The following TRPM6 variants were observed in gnomAD, a reference collection of about 807,000 sequenced individuals.
TRPM6 encodes transient receptor potential cation channel subfamily M member 6.
A neutral mutation model predicts 247.6 loss-of-function variants in TRPM6; 111 were observed. The ratio of observed to expected loss-of-function variants is 0.45; its 90% CI spans 0.38 to 0.52. The LOEUF (loss-of-function observed/expected upper bound fraction) is 0.52. Among genes scored for constraint, TRPM6 ranks in the 20% least tolerant of loss-of-function variants. TRPM6 has a pLI of 0.00. For synonymous variants in TRPM6, 892 were observed against 853.8 expected (o/e 1.04, Z -0.78); for missense variants, 2,126 against 2,421.5 (o/e 0.88, Z 2.56).
At chr9:74,796,469 T>A (rs946568494) in intron 18 of TRPM6, among the ~76,000 whole-genome samples, 5 of 152,194 alleles carry the variant, frequency 3.3e-5, no homozygotes, top group African/African-American at 1.2e-4. Context: ...AATAGAATAT[T>A]TTGCTTAATT....
intron 28 of TRPM6, among the ~76,000 whole-genome samples, chr9:74,754,613 A>G (rs553483087): frequency 9.5e-4 from 144 of 152,352 alleles, no homozygotes; most frequent in African/African-American, 3.4e-3. Context: ...GAAAAGTCTG[A>G]CAGCCTAAAT....
At chr9:74,741,252 A>G (rs533612304) in intron 33 of TRPM6, among the ~76,000 whole-genome samples, 5 of 152,100 alleles carry the variant, frequency 3.3e-5, no homozygotes, top group Non-Finnish European at 5.9e-5. Flanking sequence ...TAACAGAGCA[A>G]CATAATCTAT....
intron 14 of TRPM6, chr9:74,804,862 C>A (rs190514487): frequency 5.0e-6 from 2 of 398,220 alleles, no homozygotes; most frequent in African/African-American, 2.1e-5. Context: ...GTCCGAAGCA[C>A]AAAAAATCCC....
chr9:74,851,058 A>G (rs1011557765), intron 3 of TRPM6, among the ~76,000 whole-genome samples: 5 of 152,224 alleles, frequency 3.3e-5, no homozygotes, highest in Non-Finnish European at 7.3e-5. Context: ...CAGCTTAAGT[A>G]TATTTCTATT....
chr9:74,868,356 A>G (rs931559834), intron 1 of TRPM6, among the ~76,000 whole-genome samples: 4 of 151,724 alleles, frequency 2.6e-5, no homozygotes, highest in Non-Finnish European at 5.9e-5. Context: ...TTAGCTGGGC[A>G]TGGTGGTGCA....
At chr9:74,868,115 C>G (rs1350697768) in intron 1 of TRPM6, among the ~76,000 whole-genome samples, 1 of 149,272 alleles carries the variant, frequency 6.7e-6, no homozygotes, top group East Asian at 2.0e-4. Flanking sequence ...GATTGCACCC[C>G]TGTACTCCAG....
chr9:74,748,692 T>C (rs979584794), intron 30 of TRPM6, among the ~76,000 whole-genome samples: 15 of 152,230 alleles, frequency 9.9e-5, no homozygotes, highest in African/African-American at 3.6e-4. Flanking sequence ...AACCATACAA[T>C]GTATTTGTGT....
intron 1 of TRPM6, among the ~76,000 whole-genome samples, chr9:74,864,714 C>T (rs375025139): frequency 4.3e-4 from 66 of 152,284 alleles, no homozygotes; most frequent in African/African-American, 1.5e-3. Flanking sequence ...CGCCATTTCT[C>T]CTGAGTAGTT....
At chr9:74,861,597 C>A (rs1217736972) in intron 1 of TRPM6, among the ~76,000 whole-genome samples, 1 of 152,052 alleles carries the variant, frequency 6.6e-6, no homozygotes, top group Admixed American at 6.6e-5. Flanking sequence ...TTTCTTCATG[C>A]CTGTTTGTCT....
Position 74,834,133 on chromosome 9 carries a change from C to T in TRPM6, c.545-11G>A, listed in dbSNP as rs370202163. The T allele has an allele frequency of 1.2e-5, 19 of 1,613,742 alleles. No homozygotes were observed. In the African/African-American group the frequency reaches 2.1e-4, roughly 18 times the overall value. ...CATGCTTGGACACTCCTATGAACAA[C>T]CAGTTTAGAAGTCAAACTTTAATTC... On this transcript the variant is annotated splice_polypyrimidine_tract_variant and intron_variant, in intron 5 of 38. Coordinates refer to ENST00000360774, the MANE Select transcript of TRPM6 (RefSeq NM_017662.5).
chr9:74,879,953 G>C (rs1831309786), intron 1 of TRPM6, among the ~76,000 whole-genome samples: 1 of 152,118 alleles, frequency 6.6e-6, no homozygotes, highest in Non-Finnish European at 1.5e-5. Flanking sequence ...TAGTCTTGGG[G>C]AATGAGTCCC....
At chr9:74,821,953 T>G in intron 7 of TRPM6, 116 bp from the exon 8 acceptor site, 1 of 1,176,936 alleles carries the variant, frequency 8.5e-7, no homozygotes, top group Non-Finnish European at 1.2e-6. Context: ...TTCCTCACAC[T>G]GGCCCCTCTC....
intron 3 of TRPM6, among the ~76,000 whole-genome samples, chr9:74,853,745 A>G (rs1000208045): frequency 6.6e-6 from 1 of 152,150 alleles, no homozygotes; most frequent in African/African-American, 2.4e-5. Flanking sequence ...TCCTCTGCCT[A>G]GGAAAACCAG....
chr9:74,871,496 T>C (rs1831029783), intron 1 of TRPM6, among the ~76,000 whole-genome samples: 3 of 152,202 alleles, frequency 2.0e-5, no homozygotes. Flanking sequence ...CTGACCAGTA[T>C]TCCCTAATAT....
intron 1 of TRPM6, among the ~76,000 whole-genome samples, chr9:74,859,056 G>A (rs1645364444): frequency 6.6e-6 from 1 of 152,136 alleles, no homozygotes; most frequent in African/African-American, 2.4e-5. Flanking sequence ...TCTTAAATCT[G>A]CCAAAAGTCA....
At chr9:74,833,800 A>C (rs1012329853) in intron 6 of TRPM6, among the ~76,000 whole-genome samples, 198 bp downstream of exon 6, 1 of 152,206 alleles carries the variant, frequency 6.6e-6, no homozygotes, top group Non-Finnish European at 1.5e-5. Flanking sequence ...GATTAGTCCA[A>C]GGCTTTTGAC....
chr9:74,853,431 G>A (rs1039549053), intron 3 of TRPM6, among the ~76,000 whole-genome samples: 6 of 152,228 alleles, frequency 3.9e-5, no homozygotes, highest in African/African-American at 1.2e-4. Context: ...GGGAAATGTG[G>A]GGAAAAGGAA....
Position 74,785,900 on chromosome 9 carries a change from G to A in TRPM6, c.2893C>T (p.Pro965Ser). Reference protein sequence around the residue: ...DFFAVNQHAGPYVTMIAKMTA... With the variant: ...DFFAVNQHAGSYVTMIAKMTA... ...ATTTTTGCAATCATGGTCACATATG[G>A]ACCTGCATGTTGATTCACAGCAAAG... Residue 965 changes from proline to serine, a missense_variant, in exon 21 of 39, where the codon CCA (proline) becomes TCA (serine). Physicochemically the swap from Pro to Ser is moderately conservative, Grantham distance 74. Around this residue, in one of 3 missense-constraint regions of TRPM6, gnomAD observed 1,082 missense variants for 1,307.9 expected, o/e 0.83. Transcript: ENST00000360774. 6.2e-7 allele frequency: 1 copy of A among 1,614,176 alleles called. No individual in the cohort carries two copies. The highest frequency in any genetic ancestry group is 8.5e-7 in the Non-Finnish European group (1 of 1,180,032).
chr9:74,809,976 CAAAAAAAAAAAAA>C (rs57812269), intron 13 of TRPM6, among the ~76,000 whole-genome samples: 1 of 33,554 alleles, frequency 3.0e-5, no homozygotes, highest in Non-Finnish European at 6.4e-5. Flanking sequence ...AACTCCATCT[CAAAAAAAAAAAAA>C]AAAAAAAAAA....
Sources: allele counts gnomAD v4.1 joint callset (sites outside exome capture counted in the v4.1 genomes callset), GRCh38; gene constraint gnomAD v4.1.1; regional missense constraint gnomAD v4.1.1; transcripts MANE v1.5; gene names NCBI Gene and HGNC (gene_info 2026-07-23, HGNC 2026-07-21).